Variants in CNIH3 observed in about 807,000 individuals in gnomAD.
CNIH3 encodes the protein protein cornichon homolog 3.
In CNIH3, 14 loss-of-function variants were observed where a neutral mutation model predicts 24.1. The ratio of observed to expected loss-of-function variants is 0.58; its 90% CI spans 0.38 to 0.91. The LOEUF is 0.91. Ranked by LOEUF, CNIH3 falls within the 40% of genes least tolerant of loss-of-function variation. CNIH3 has a pLI of 0.00. For missense variants in CNIH3, 178 were observed against 196.8 expected, an observed-to-expected ratio of 0.90 and a Z score of 0.57; for synonymous variants, 68 against 73.8, an observed-to-expected ratio of 0.92 and a Z score of 0.40.
At chr1:224,678,046 A>G (rs938677755) in intron 1 of CNIH3, among the ~76,000 whole-genome samples, 24 of 152,200 alleles carry the variant, frequency 1.6e-4, no homozygotes, top group African/African-American at 5.5e-4. Context: ...CGCTTGGTCT[A>G]CATTTATATC....
At chr1:224,673,023 A>G (rs1685945895) in intron 1 of CNIH3, among the ~76,000 whole-genome samples, 1 of 152,124 alleles carries the variant, frequency 6.6e-6, no homozygotes, top group Non-Finnish European at 1.5e-5. Flanking sequence ...AGGATTCATG[A>G]TCTCTTTAAA....
intron 1 of CNIH3, among the ~76,000 whole-genome samples, chr1:224,626,129 T>G (rs1356360416): frequency 6.6e-6 from 1 of 152,208 alleles, no homozygotes; most frequent in Non-Finnish European, 1.5e-5. Flanking sequence ...TAAGCTGAAC[T>G]GTTTTAATCT....
chr1:224,550,674 T>C (rs1679878726), intron 3 of CNIH3, among the ~76,000 whole-genome samples: 1 of 152,210 alleles, frequency 6.6e-6, no homozygotes, highest in Admixed American at 6.5e-5. Flanking sequence ...ACACTGGATA[T>C]AATAGAAATA....
intron 2 of CNIH3, among the ~76,000 whole-genome samples, chr1:224,526,038 C>G (rs1678831484): frequency 6.6e-6 from 1 of 152,226 alleles, no homozygotes; most frequent in South Asian, 2.1e-4. Flanking sequence ...TCTGCTTCAG[C>G]TGGGCACTGT....
At chr1:224,436,936 A>G (rs774414554) in intron 1 of CNIH3, 14 of 151,854 alleles carry the variant, frequency 9.2e-5, no homozygotes, top group Admixed American at 1.3e-4. Flanking sequence ...CTTTGACTAC[A>G]CTCTCCCGTC....
In CNIH3 at chr1:224,730,498, T is replaced by C; in HGVS notation, c.235T>C (p.Cys79Arg). The C allele has an allele frequency of 6.4e-7, 1 of 1,561,572 alleles. No homozygotes were observed. Among genetic ancestry groups the C allele is most frequent in the Non-Finnish European group, 8.7e-7 (1 of 1,151,358 alleles). The part of the protein sequence containing the change: ...LPEYSIHSLF[C>R]IMFLCAQEWL... Reference sequence around the variant, plus strand: ...AGAATACTCCATCCATAGCCTCTTCTGCATTATGTTCCTGTGTGCGCAAGA... The same window carrying C: ...AGAATACTCCATCCATAGCCTCTTCCGCATTATGTTCCTGTGTGCGCAAGA... Residue 79 changes from cysteine to arginine, a missense_variant, in exon 4 of 6, where the codon TGC becomes CGC. Cys to Arg is a radical substitution (Grantham distance 180). Coordinates refer to ENST00000272133, the MANE Select transcript of CNIH3 (RefSeq NM_152495.2).
At chr1:224,529,029 G>A (rs1409990591) in intron 2 of CNIH3, among the ~76,000 whole-genome samples, 1 of 152,226 alleles carries the variant, frequency 6.6e-6, no homozygotes, top group Non-Finnish European at 1.5e-5. Context: ...CCATTTGGGG[G>A]AAGAGGAGAT....
At chr1:224,584,388 G>C (rs952095752) in intron 5 of CNIH3, among the ~76,000 whole-genome samples, 1 of 152,202 alleles carries the variant, frequency 6.6e-6, no homozygotes, top group Non-Finnish European at 1.5e-5. Flanking sequence ...AGGACAGCAA[G>C]GCACTTCTTG....
intron 3 of CNIH3, among the ~76,000 whole-genome samples, chr1:224,719,476 A>G (rs1012495642): frequency 6.6e-6 from 1 of 152,210 alleles, no homozygotes; most frequent in Non-Finnish European, 1.5e-5. Flanking sequence ...TGCTTTTTAA[A>G]ACTATATGGA....
At chr1:224,538,063 G>T (rs150962108), downstream of CNIH3, among the ~76,000 whole-genome samples, 3,310 of 151,888 alleles carry the variant, frequency 0.022, 51 homozygotes, top group South Asian at 0.034. Flanking sequence ...CAATTCTCCT[G>T]CCTCAGCCTC....
chr1:224,527,833 A>G (rs1011358406), intron 2 of CNIH3, among the ~76,000 whole-genome samples: 4 of 152,240 alleles, frequency 2.6e-5, no homozygotes, highest in African/African-American at 9.6e-5. Flanking sequence ...TGTCAATTAC[A>G]AATATAAAAG....
Position 224,470,723 on chromosome 1 carries a change from G to A in CNIH3, n.203+35861G>A, listed in dbSNP as rs142377503. ...TCCTCCCACTTCGGTCTCCCAAAGC[G>A]CTGGGTTTACAGGCACAAGCCACCA... is the stretch of plus-strand genomic sequence containing the variant. On this transcript the variant is annotated intron_variant and non_coding_transcript_variant, in intron 1 of 5. Transcript: ENST00000471578. 6.7e-3 allele frequency among the ~76,000 whole-genome samples: 1,019 copies of A among 152,228 alleles called. 5 individuals carry two copies. The highest frequency in any genetic ancestry group is 0.031 in the Middle Eastern group (9 of 294).
chr1:224,575,340 T>C, intron 4 of CNIH3: 2 of 1,026,456 alleles, frequency 1.9e-6, no homozygotes, highest in South Asian at 2.5e-5. Context: ...GTCTGTGCCT[T>C]GGTGAGCTGT....
At chr1:224,620,417 T>C (rs568282759) in intron 1 of CNIH3, among the ~76,000 whole-genome samples, 4 of 152,366 alleles carry the variant, frequency 2.6e-5, no homozygotes, top group African/African-American at 9.6e-5. Context: ...TCACTATTTT[T>C]GGATTCATAA....
chr1:224,661,513 T>C (rs2125117650), intron 1 of CNIH3: 2 of 309,706 alleles, frequency 6.5e-6, no homozygotes, highest in Middle Eastern at 1.3e-3. Flanking sequence ...GGGACCCCTT[T>C]GATTCCCAAA....
intron 1 of CNIH3, among the ~76,000 whole-genome samples, chr1:224,461,284 TGA>T (rs1404427341): frequency 6.6e-6 from 1 of 152,236 alleles, no homozygotes; most frequent in Non-Finnish European, 1.5e-5. Flanking sequence ...ATTACAGGCA[TGA>T]GCCACTGTGC....
intron 1 of CNIH3, among the ~76,000 whole-genome samples, chr1:224,492,411 A>C (rs1458180993): frequency 6.6e-6 from 1 of 152,196 alleles, no homozygotes; most frequent in Non-Finnish European, 1.5e-5. Flanking sequence ...TGCAAATTTG[A>C]TTTATTCAGT....
At chr1:224,452,158 T>A (rs1450669615) in intron 1 of CNIH3, among the ~76,000 whole-genome samples, 2 of 151,634 alleles carry the variant, frequency 1.3e-5, no homozygotes, top group African/African-American at 4.8e-5. Flanking sequence ...ATGTCTTTTT[T>A]TTTTTTTTTA....
intron 3 of CNIH3, among the ~76,000 whole-genome samples, chr1:224,547,816 T>C (rs757966104): frequency 7.2e-5 from 11 of 151,998 alleles, no homozygotes; most frequent in Non-Finnish European, 1.5e-4. Flanking sequence ...GTACATCCTG[T>C]GACATTATTT....
Sources: allele counts gnomAD v4.1 joint callset (sites outside exome capture counted in the v4.1 genomes callset), GRCh38; gene constraint gnomAD v4.1.1; transcripts MANE v1.5; gene names NCBI Gene and HGNC (gene_info 2026-07-23, HGNC 2026-07-21).